Variants in MGA observed in about 807,000 individuals in gnomAD.
MGA encodes the protein MAX dimerization protein MGA.
A neutral mutation model predicts 261.1 loss-of-function variants in MGA; 40 were observed. The ratio of observed to expected loss-of-function variants is 0.15; its 90% CI spans 0.12 to 0.20. MGA has a LOEUF of 0.20. Among genes scored for constraint, MGA ranks in the 10% least tolerant of loss-of-function variants. The probability of loss-of-function intolerance (pLI) is 1.00; values close to 1 mark genes in which losing one functional copy is unlikely to be tolerated. For synonymous variants in MGA, 1,302 were observed against 1,290.6 expected (o/e 1.01, Z -0.19); for missense variants, 3,397 against 3,630.5 (o/e 0.94, Z 1.65).
intron 1 of MGA, among the ~76,000 whole-genome samples, chr15:41,643,825 C>T (rs1250625913): frequency 6.6e-6 from 1 of 151,584 alleles, no homozygotes; most frequent in Non-Finnish European, 1.5e-5. Context: ...GCCTCAGCCT[C>T]CCAAAGTGTT....
Position 41,766,905 on chromosome 15 carries a change from C to G in MGA, c.8823C>G (p.Asn2941Lys), listed in dbSNP as rs765096127. Residue 2941 changes from asparagine to lysine, a missense_variant, in exon 24 of 24, where the codon AAC (asparagine) becomes AAG (lysine). Around this residue, in one of 9 missense-constraint regions of MGA, gnomAD observed 647 missense variants for 642.4 expected, o/e 1.01. Coordinates refer to ENST00000219905, the MANE Select transcript of MGA (RefSeq NM_001164273.2). Reference sequence around the variant, plus strand: ...AAATAAAGGATTCCCTCCTTTCCAACAAGAAAGCTATTGATGGAGGGAAGA... The same window carrying G: ...AAATAAAGGATTCCCTCCTTTCCAAGAAGAAAGCTATTGATGGAGGGAAGA... 11 of 1,614,002 alleles carry G rather than the reference C, an allele frequency of 6.8e-6. No individual in the cohort carries two copies. Among genetic ancestry groups the G allele is most frequent in the Non-Finnish European group, 8.5e-6 (10 of 1,179,894 alleles).
chr15:41,700,992 G>A (rs1438567151), intron 5 of MGA, among the ~76,000 whole-genome samples: 1 of 152,184 alleles, frequency 6.6e-6, no homozygotes, highest in Non-Finnish European at 1.5e-5. Context: ...GGCAGCTTGT[G>A]TGACAGTGCG....
chr15:41,667,947 G>A (rs2057846607), intron 1 of MGA, among the ~76,000 whole-genome samples: 1 of 151,906 alleles, frequency 6.6e-6, no homozygotes, highest in Non-Finnish European at 1.5e-5. Flanking sequence ...GGGACTACAG[G>A]CGTGCACCAC....
intron 13 of MGA, among the ~76,000 whole-genome samples, chr15:41,737,610 G>A (rs543287995): frequency 3.3e-5 from 5 of 152,204 alleles, no homozygotes; most frequent in African/African-American, 9.6e-5. Flanking sequence ...AGTAATTCAC[G>A]CAGGTTGTAT....
intron 1 of MGA, among the ~76,000 whole-genome samples, chr15:41,629,301 G>C (rs931088999): frequency 3.9e-5 from 6 of 152,030 alleles, no homozygotes; most frequent in African/African-American, 1.4e-4. Flanking sequence ...TGATTACAAG[G>C]CTTTTAGCTG....
intron 3 of MGA, among the ~76,000 whole-genome samples, chr15:41,697,805 G>T (rs1417652464): frequency 6.6e-6 from 1 of 152,056 alleles, no homozygotes. Context: ...TGAAGTCTCT[G>T]TTTATTCCAC....
At chr15:41,728,423 A>C (rs1205396185) in intron 10 of MGA, among the ~76,000 whole-genome samples, 1 of 152,194 alleles carries the variant, frequency 6.6e-6, no homozygotes, top group Non-Finnish European at 1.5e-5. Context: ...CAACTCCCCC[A>C]AAACTGAACT....
intron 1 of MGA, among the ~76,000 whole-genome samples, chr15:41,626,803 CT>C (rs2056466368): frequency 6.6e-6 from 1 of 152,118 alleles, no homozygotes; most frequent in African/African-American, 2.4e-5. Context: ...CCTAGCTTCC[CT>C]TCCAGCTTTT....
chr15:41,765,909 A>T, intron 23 of MGA, 95 bp from the exon 24 acceptor site: 1 of 1,036,718 alleles, frequency 9.6e-7, no homozygotes, highest in Admixed American at 2.7e-5. Context: ...TTAGACTACA[A>T]ATCCCTAAGA....
chr15:41,681,509 T>TG (rs2058679440), intron 2 of MGA, among the ~76,000 whole-genome samples: 1 of 152,042 alleles, frequency 6.6e-6, no homozygotes, highest in African/African-American at 2.4e-5. Context: ...TGGAGTGTAG[T>TG]GGGTGATCAC....
intron 2 of MGA, among the ~76,000 whole-genome samples, chr15:41,685,362 T>A (rs2058900654): frequency 1.3e-5 from 2 of 152,226 alleles, no homozygotes. Context: ...GCTGTCTTAA[T>A]GGTAGTAGAT....
intron 17 of MGA, chr15:41,751,447 G>C (rs1033857626): frequency 6.6e-6 from 1 of 152,166 alleles, no homozygotes; most frequent in African/African-American, 2.4e-5. Flanking sequence ...AAAAAGTCCA[G>C]GTGCGGTGGC....
chr15:41,679,016 G>T (rs897009013), intron 2 of MGA, among the ~76,000 whole-genome samples: 1 of 152,082 alleles, frequency 6.6e-6, no homozygotes, highest in Non-Finnish European at 1.5e-5. Context: ...GCTATTTAAA[G>T]CCCCTTGAGA....
Position 41,711,293 on chromosome 15 carries a change from A to T in MGA, c.3028A>T (p.Thr1010Ser). 1 of 1,613,886 alleles carries T rather than the reference A, an allele frequency of 6.2e-7. No homozygotes were observed. The highest frequency in any genetic ancestry group is 1.3e-5 in the African/African-American group (1 of 75,048). ...TGCACTTTGGGAAGGAAAACCAAGG[A>T]CATACATCACAGAAGAGCGAGCAGA... The change falls in exon 8 of 24, where the codon ACA becomes TCA. Residue 1010 changes from threonine to serine, a missense_variant. Thr to Ser is a moderately conservative substitution (Grantham distance 58). Coordinates refer to ENST00000219905, the MANE Select transcript of MGA (RefSeq NM_001164273.2).
At chr15:41,679,755 GTA>G (rs1240305040) in intron 2 of MGA, among the ~76,000 whole-genome samples, 1 of 151,892 alleles carries the variant, frequency 6.6e-6, no homozygotes, top group Non-Finnish European at 1.5e-5. Context: ...TTTTTTGTGT[GTA>G]TATGTGGGTT....
chr15:41,765,919 A>G, intron 23 of MGA, 85 bp from the exon 24 acceptor site: 3 of 1,114,634 alleles, frequency 2.7e-6, no homozygotes, highest in African/African-American at 3.1e-5. Flanking sequence ...AATCCCTAAG[A>G]TGGTTATATG....
chr15:41,694,721 C>G (rs1488409031), intron 2 of MGA, among the ~76,000 whole-genome samples: 2 of 151,978 alleles, frequency 1.3e-5, no homozygotes, highest in African/African-American at 4.8e-5. Context: ...ACCGTGTTAG[C>G]CAGGATGGTC....
intron 2 of MGA, among the ~76,000 whole-genome samples, chr15:41,678,872 GCT>G (rs2058522519): frequency 6.6e-6 from 1 of 151,836 alleles, no homozygotes; most frequent in Non-Finnish European, 1.5e-5. Flanking sequence ...TGATTTCTCA[GCT>G]CTCTGTATTC....
intron 1 of MGA, among the ~76,000 whole-genome samples, chr15:41,666,815 G>T (rs1013272979): frequency 6.6e-6 from 1 of 152,024 alleles, no homozygotes; most frequent in Non-Finnish European, 1.5e-5. Context: ...GGAATGCAGG[G>T]GATAATCTTG....
Sources: allele counts gnomAD v4.1 joint callset (sites outside exome capture counted in the v4.1 genomes callset), GRCh38; gene constraint gnomAD v4.1.1; regional missense constraint gnomAD v4.1.1; transcripts MANE v1.5; gene names NCBI Gene and HGNC (gene_info 2026-07-23, HGNC 2026-07-21).